Variants in GATB observed in about 807,000 individuals in gnomAD.
GATB encodes the protein glutamyl-tRNA(Gln) amidotransferase subunit B, mitochondrial.
In GATB, 39 loss-of-function variants were observed where a neutral mutation model predicts 62.3. That is an observed-to-expected ratio of 0.63 (90% CI 0.48 to 0.82). The LOEUF (loss-of-function observed/expected upper bound fraction) is 0.82, where lower values mean the gene tolerates loss of function less well. Among genes scored for constraint, GATB ranks in the 40% least tolerant of loss-of-function variants. The pLI is 0.00. For synonymous variants in GATB, 276 were observed against 258.9 expected, an observed-to-expected ratio of 1.07 and a Z score of -0.63; for missense variants, 670 against 684.0, an observed-to-expected ratio of 0.98 and a Z score of 0.23.
At chr4:151,733,405 C>T (rs1048684525) in intron 2 of GATB, among the ~76,000 whole-genome samples, 3 of 152,112 alleles carry the variant, frequency 2.0e-5, no homozygotes, top group Admixed American at 1.3e-4. Context: ...TACAACTCTC[C>T]TAACTTAAAT....
Position 151,705,238 on chromosome 4 carries a change from A to C in GATB, c.909T>G (p.Leu303=). 6.2e-7 allele frequency: 1 copy of C among 1,613,008 alleles called. No individual in the cohort carries two copies. The highest frequency in any genetic ancestry group is 8.5e-7 in the Non-Finnish European group (1 of 1,179,046). Residue 303 remains leucine, a synonymous_variant, in exon 7 of 13, where the codon CTT becomes CTG. Coordinates refer to ENST00000263985, the MANE Select transcript of GATB (RefSeq NM_004564.3). ...DYEIQRQINE[L]ENGGEILNET... Reference sequence around the variant, plus strand: ...CGTTCAGAATTTCACCTCCATTCTCAAGTTCATTGATTTGCCTCTGAATTT... The same window carrying C: ...CGTTCAGAATTTCACCTCCATTCTCCAGTTCATTGATTTGCCTCTGAATTT...
intron 11 of GATB, chr4:151,673,256 G>A (rs1434060388): frequency 5.1e-5 from 7 of 136,314 alleles, no homozygotes; most frequent in South Asian, 3.9e-4. Context: ...TCCACATGGC[G>A]GGGGGGGGCC....
At chr4:151,673,764 G>A (rs1737935639) in intron 11 of GATB, 2 of 152,172 alleles carry the variant, frequency 1.3e-5, no homozygotes, top group African/African-American at 4.8e-5. Context: ...CCAGAATTGG[G>A]AGCCGGGAGG....
intron 2 of GATB, among the ~76,000 whole-genome samples, chr4:151,757,598 C>G (rs1739860520): frequency 6.6e-6 from 1 of 151,840 alleles, no homozygotes; most frequent in African/African-American, 2.4e-5. Context: ...TCAGCCTCCC[C>G]AGTAACTGGG....
At chr4:151,701,552 G>C (rs1279640328) in intron 8 of GATB, 34 bp from the exon 9 acceptor site, 1 of 1,388,458 alleles carries the variant, frequency 7.2e-7, no homozygotes, top group Non-Finnish European at 9.5e-7. Flanking sequence ...CCTGAATCTG[G>C]AGTACTTGGA....
chr4:151,716,363 G>T, intron 4 of GATB: 1 of 456,190 alleles, frequency 2.2e-6, no homozygotes, highest in Non-Finnish European at 3.8e-6. Context: ...GCTCACTGCA[G>T]CCCTGAACTT....
At chr4:151,706,738 G>C (rs1453333824) in intron 6 of GATB, among the ~76,000 whole-genome samples, 1 of 152,172 alleles carries the variant, frequency 6.6e-6, no homozygotes, top group Admixed American at 6.5e-5. Flanking sequence ...CATCTTTTCT[G>C]TACTGTTTCT....
chr4:151,697,763 A>G (rs1308252955), intron 9 of GATB, among the ~76,000 whole-genome samples: 1 of 148,630 alleles, frequency 6.7e-6, no homozygotes, highest in Non-Finnish European at 1.5e-5. Context: ...GCACAAAATC[A>G]AGTTGCCTTG....
Position 151,705,173 on chromosome 4 carries a change from A to G in GATB, c.962+12T>C. On this transcript the variant is annotated intron_variant, in intron 7 of 12. Coordinates refer to ENST00000263985, the MANE Select transcript of GATB (RefSeq NM_004564.3). ...CCGGCTGTGGTCAGGACGCTCAGCAATGCGAACTCACCCCAGCTTGTGATG... is the reference window on the plus strand; with the variant it reads ...CCGGCTGTGGTCAGGACGCTCAGCAGTGCGAACTCACCCCAGCTTGTGATG... 6.2e-7 allele frequency: 1 copy of G among 1,602,766 alleles called. No homozygotes were observed. The highest frequency in any genetic ancestry group is 1.3e-5 in the African/African-American group (1 of 74,826).
chr4:151,735,771 T>C (rs1357373757), intron 2 of GATB, among the ~76,000 whole-genome samples: 2 of 143,300 alleles, frequency 1.4e-5, no homozygotes, highest in Non-Finnish European at 3.0e-5. Context: ...GGAATACTAC[T>C]CAGCCATAAA....
At chr4:151,750,030 C>A (rs1318943294) in intron 2 of GATB, among the ~76,000 whole-genome samples, 1 of 152,024 alleles carries the variant, frequency 6.6e-6, no homozygotes, top group Non-Finnish European at 1.5e-5. Context: ...TACAGACGTC[C>A]GCCACCACAC....
Position 151,729,585 on chromosome 4 carries a change from T to C in GATB, c.328-10047A>G, listed in dbSNP as rs974173021. On this transcript the variant is annotated intron_variant, in intron 2 of 12. Transcript: ENST00000263985. The stretch of plus-strand genomic sequence containing the variant: ...TAAGATATTTAGAGAGGAAGTGCCA[T>C]GATGTCTGCAACTTACTCTCAAATG... Among the ~76,000 whole-genome samples the C allele has an allele frequency of 8.5e-5, 13 of 152,236 alleles. No individual in the cohort carries two copies. The South Asian group carries it at 1.0e-3, about 12-fold the overall frequency.
intron 11 of GATB, among the ~76,000 whole-genome samples, chr4:151,679,284 G>A (rs987147409): frequency 7.9e-5 from 12 of 152,236 alleles, no homozygotes; most frequent in African/African-American, 2.7e-4. Context: ...ACAAAAGGCT[G>A]CTTAGGATGA....
At chr4:151,681,624 GA>G (rs1310778654) in intron 10 of GATB, among the ~76,000 whole-genome samples, 1 of 152,212 alleles carries the variant, frequency 6.6e-6, no homozygotes, top group Admixed American at 6.5e-5. Context: ...GCGTGCAAAA[GA>G]TAAGGTCCCT....
intron 5 of GATB, among the ~76,000 whole-genome samples, chr4:151,712,826 T>C (rs1008745116): frequency 1.1e-4 from 17 of 152,222 alleles, no homozygotes; most frequent in African/African-American, 4.1e-4. Flanking sequence ...CATTAGTACA[T>C]TTCTTGACAT....
At chr4:151,718,317 T>C (rs1265872847) in intron 3 of GATB, among the ~76,000 whole-genome samples, 1 of 152,158 alleles carries the variant, frequency 6.6e-6, no homozygotes, top group Non-Finnish European at 1.5e-5. Context: ...GACACCCAGT[T>C]AAATCTGAAT....
intron 1 of GATB, among the ~76,000 whole-genome samples, chr4:151,760,210 T>C (rs561883589): frequency 6.6e-6 from 1 of 152,352 alleles, no homozygotes; most frequent in African/African-American, 2.4e-5. Context: ...TCTTACATAA[T>C]GAAGCATAAA....
intron 2 of GATB, among the ~76,000 whole-genome samples, chr4:151,749,785 C>T (rs1045619733): frequency 4.6e-5 from 7 of 152,284 alleles, no homozygotes; most frequent in African/African-American, 1.7e-4. Context: ...AGGGCTCTTT[C>T]TCCACAGCTC....
intron 11 of GATB, among the ~76,000 whole-genome samples, chr4:151,678,094 G>GA (rs1233341356): frequency 2.0e-5 from 3 of 151,132 alleles, no homozygotes; most frequent in Non-Finnish European, 3.0e-5. Context: ...CCTAAAAACA[G>GA]AAAAAAAAGG....
Sources: gnomAD v4.1 joint callset for allele counts (sites outside exome capture counted in the v4.1 genomes callset) on GRCh38, gnomAD v4.1.1 for gene constraint, MANE v1.5 for transcripts, NCBI Gene and HGNC (gene_info 2026-07-23, HGNC 2026-07-21) for gene names.